Variants in NELL1 observed in about 807,000 individuals in gnomAD.
NELL1 encodes neural EGFL like 1.
In NELL1, 76 loss-of-function variants were observed where a neutral mutation model predicts 107.4. That is an observed-to-expected ratio of 0.71 (90% CI 0.59 to 0.86). The LOEUF is 0.86. NELL1 is among the 40% of genes least tolerant of loss of function. The pLI is 0.00. For synonymous variants in NELL1, 353 were observed against 341.2 expected (o/e 1.03, Z -0.38); for missense variants, 1,024 against 1,005.5 (o/e 1.02, Z -0.25).
chr11:21,536,628 T>C (rs1253286733), intron 16 of NELL1, among the ~76,000 whole-genome samples: 2 of 152,182 alleles, frequency 1.3e-5, no homozygotes, highest in Non-Finnish European at 2.9e-5. Flanking sequence ...AATGGGCTTT[T>C]TTCTTCTGTT....
chr11:21,236,922 T>C (rs1858222394), intron 14 of NELL1, among the ~76,000 whole-genome samples: 1 of 152,146 alleles, frequency 6.6e-6, no homozygotes, highest in Non-Finnish European at 1.5e-5. Flanking sequence ...GAAGAAAGGC[T>C]AATGTAAACA....
intron 12 of NELL1, among the ~76,000 whole-genome samples, chr11:21,085,688 C>T (rs1854375001): frequency 6.6e-6 from 1 of 151,742 alleles, no homozygotes; most frequent in Non-Finnish European, 1.5e-5. Flanking sequence ...ACAAATGCCC[C>T]AATGCAAGAA....
At chr11:21,000,157 CT>C (rs1367767507) in intron 12 of NELL1, among the ~76,000 whole-genome samples, 1 of 152,042 alleles carries the variant, frequency 6.6e-6, no homozygotes, top group African/African-American at 2.4e-5. Flanking sequence ...ACATTCTTAG[CT>C]ATTGTTTGAC....
chr11:20,863,725 T>C (rs1272014493), intron 4 of NELL1, among the ~76,000 whole-genome samples: 6 of 152,182 alleles, frequency 3.9e-5, no homozygotes, highest in South Asian at 4.1e-4. Context: ...GCAGAGGCTG[T>C]AATCTCCGCA....
intron 9 of NELL1, among the ~76,000 whole-genome samples, chr11:20,934,043 C>T (rs979424585): frequency 1.3e-5 from 2 of 152,100 alleles, no homozygotes; most frequent in Admixed American, 6.5e-5. Flanking sequence ...CGAATGGAGT[C>T]CCAAATGCCC....
At chr11:21,053,883 T>A (rs1055391349) in intron 12 of NELL1, among the ~76,000 whole-genome samples, 3 of 152,170 alleles carry the variant, frequency 2.0e-5, no homozygotes, top group African/African-American at 7.2e-5. Flanking sequence ...ACCAGATTCT[T>A]GGTCAAAATC....
intron 14 of NELL1, among the ~76,000 whole-genome samples, chr11:21,350,852 T>C (rs2133719746): frequency 6.6e-6 from 1 of 152,264 alleles, no homozygotes; most frequent in Non-Finnish European, 1.5e-5. Flanking sequence ...CAGGAGGGAC[T>C]CTGTACTGGG....
chr11:21,418,311 T>C (rs1852569851), intron 15 of NELL1, among the ~76,000 whole-genome samples: 1 of 152,060 alleles, frequency 6.6e-6, no homozygotes. Flanking sequence ...AAGAATGGCT[T>C]TTGAAACCAG....
At chr11:20,908,486 A>G (rs997797864) in intron 5 of NELL1, among the ~76,000 whole-genome samples, 3 of 152,162 alleles carry the variant, frequency 2.0e-5, no homozygotes, top group Non-Finnish European at 2.9e-5. Context: ...GTTCTCACTC[A>G]TAAGTGGGAG....
intron 2 of NELL1, among the ~76,000 whole-genome samples, chr11:20,777,805 C>T (rs1318414005): frequency 3.5e-5 from 5 of 141,766 alleles, no homozygotes; most frequent in Admixed American, 1.3e-4. Context: ...AAGGCTGAGG[C>T]GGGCTGCCTT....
chr11:21,273,155 A>G (rs1411062961), intron 14 of NELL1, among the ~76,000 whole-genome samples: 1 of 152,046 alleles, frequency 6.6e-6, no homozygotes, highest in East Asian at 1.9e-4. Context: ...AAAATCTTGA[A>G]AAAAAATTAG....
intron 12 of NELL1, among the ~76,000 whole-genome samples, chr11:21,100,466 C>T (rs1033052896): frequency 6.6e-6 from 1 of 152,214 alleles, no homozygotes; most frequent in Non-Finnish European, 1.5e-5. Context: ...TCTTTTCTCC[C>T]TTCAGCTCTT....
intron 13 of NELL1, among the ~76,000 whole-genome samples, chr11:21,166,891 C>CA (rs1191908787): frequency 5.9e-5 from 9 of 151,916 alleles, no homozygotes; most frequent in Admixed American, 4.6e-4. Context: ...ATTCAAAAAA[C>CA]AAAAATGCCA....
At chr11:20,819,631 G>A (rs911698565) in intron 3 of NELL1, among the ~76,000 whole-genome samples, 2 of 152,156 alleles carry the variant, frequency 1.3e-5, no homozygotes, top group African/African-American at 2.4e-5. Flanking sequence ...CCTCTGAGCT[G>A]TCCAGTAAAT....
chr11:21,000,950 T>G (rs565300364), intron 12 of NELL1: 1 of 152,248 alleles, frequency 6.6e-6, no homozygotes, highest in South Asian at 2.1e-4. Flanking sequence ...CCTGCTTAGC[T>G]TCCAAGATCA....
intron 13 of NELL1, among the ~76,000 whole-genome samples, chr11:21,174,952 C>T (rs533170641): frequency 6.6e-6 from 1 of 151,710 alleles, no homozygotes; most frequent in South Asian, 2.1e-4. Flanking sequence ...ATTTCTGTAC[C>T]TTAATTATGA....
chr11:21,170,699 ACTGTATTATATATATATATAT>A (rs1856587712), intron 13 of NELL1, among the ~76,000 whole-genome samples: 1 of 47,438 alleles, frequency 2.1e-5, no homozygotes, highest in South Asian at 6.5e-4. Flanking sequence ...TTATATATAT[ACTGTATTATATATATATATAT>A]CTGTCACTCT....
At chr11:21,103,512 G>C (rs774293564) in intron 12 of NELL1, among the ~76,000 whole-genome samples, 5 of 152,126 alleles carry the variant, frequency 3.3e-5, no homozygotes, top group Non-Finnish European at 7.3e-5. Context: ...ATACCTACCT[G>C]TGTGGTACTT....
chr11:21,209,363 C>G (rs1425802208), intron 13 of NELL1, among the ~76,000 whole-genome samples: 2 of 148,704 alleles, frequency 1.3e-5, no homozygotes, highest in Non-Finnish European at 3.0e-5. Context: ...TACATAATTA[C>G]TTCTTACCCC....
Sources: gnomAD v4.1 joint callset for allele counts (sites outside exome capture counted in the v4.1 genomes callset) on GRCh38, gnomAD v4.1.1 for gene constraint, MANE v1.5 for transcripts, NCBI Gene and HGNC (gene_info 2026-07-23, HGNC 2026-07-21) for gene names.